HEATR4: variants seen among roughly 807,000 people sequenced by gnomAD.
HEATR4 encodes HEAT repeat containing 4.
Under a neutral mutation model 108.8 loss-of-function variants are expected in HEATR4, and 95 were observed. The observed-to-expected ratio is 0.87, with a 90% CI of 0.74 to 1.04. The LOEUF (loss-of-function observed/expected upper bound fraction) is 1.04. Ranked by LOEUF, HEATR4 falls within the 50% of genes least tolerant of loss-of-function variation. HEATR4 has a pLI of 0.00. For missense variants in HEATR4, 1,152 were observed against 1,253.8 expected (o/e 0.92, Z 1.23); for synonymous variants, 443 against 459.4 (o/e 0.96, Z 0.46).
the HEATR4 span, among the ~76,000 whole-genome samples, chr14:73,576,700 G>A: frequency 6.9e-6 from 1 of 145,654 alleles, no homozygotes; most frequent in African/African-American, 2.5e-5. Context: ...GGAGGCTGAG[G>A]TGGGAGAACC....
the HEATR4 span, among the ~76,000 whole-genome samples, chr14:73,586,520 C>A: frequency 2.0e-5 from 3 of 151,876 alleles, no homozygotes; most frequent in African/African-American, 4.8e-5. Context: ...GCCTGGCTAA[C>A]ATGGTAAAAC....
In HEATR4 at chr14:73,552,204, C is replaced by A. The variant is rs1889334815; in HGVS notation, c.-152+6547G>T. Among the ~76,000 whole-genome samples the A allele has an allele frequency of 1.8e-5, 2 of 108,740 alleles. 1 individual carries two copies. Among genetic ancestry groups the A allele is most frequent in the South Asian group, 5.7e-4 (2 of 3,514 alleles). 71.3% of individuals were successfully genotyped at this position (108,740 alleles called of 152,430 possible). A position where few individuals can be genotyped will look rare whatever the true frequency, so the allele number is the denominator to read the frequency against. The stretch of plus-strand genomic sequence containing the variant: ...ATTCTTTCTTCTGAGGAGGCAAGAA[C>A]TGAAGTTGCTGTAGACCTGTACAGA... On this transcript the variant is annotated intron_variant, in intron 1 of 17. Coordinates refer to ENST00000553558, the MANE Select transcript of HEATR4 (RefSeq NM_001220484.1).
rs779339117 is a variant in HEATR4 at position 73,491,332 on chromosome 14, G to T, written c.2844+1734C>A. 72 of 1,468,070 alleles carry T rather than the reference G, an allele frequency of 4.9e-5. 1 individual carries two copies. The South Asian group carries it at 8.6e-4, about 18-fold the overall frequency. 90.9% of individuals were successfully genotyped at this position (1,468,070 alleles called of 1,614,324 possible). Reference sequence around the variant, plus strand: ...ACGGCCACCTGGGGCCCGCAGAGCTGCTGGAGGCCTCGCCCGCCGCGCGCT... The same window carrying T: ...ACGGCCACCTGGGGCCCGCAGAGCTTCTGGAGGCCTCGCCCGCCGCGCGCT... On this transcript the variant is annotated intron_variant, in intron 17 of 17. Transcript: ENST00000553558.
the HEATR4 span, among the ~76,000 whole-genome samples, chr14:73,602,703 G>A: frequency 1.3e-5 from 2 of 152,154 alleles, no homozygotes; most frequent in Non-Finnish European, 2.9e-5. Context: ...GTATTAGAAC[G>A]TAGAAATTCC....
At chr14:73,539,748 C>T (rs1430447058) in intron 1 of HEATR4, 1 of 118,360 alleles carries the variant, frequency 8.4e-6, no homozygotes, top group Non-Finnish European at 1.8e-5. Flanking sequence ...AGCACGCGGT[C>T]CCTGTCCATC....
intron 1 of HEATR4, among the ~76,000 whole-genome samples, chr14:73,530,794 ATTTT>A (rs59208614): frequency 3.5e-3 from 203 of 57,194 alleles, no homozygotes; most frequent in East Asian, 0.022. Flanking sequence ...TCTCGGTTAA[ATTTT>A]TTTTTTTTTT....
chr14:73,506,802 C>CTTTTTTTTTTTTTTTTTTTTTTT (rs1470976246), intron 9 of HEATR4, among the ~76,000 whole-genome samples: 4 of 58,032 alleles, frequency 6.9e-5, no homozygotes, highest in East Asian at 9.2e-4. Flanking sequence ...CTGACTTTAA[C>CTTTTTTTTTTTTTTTTTTTTTTT]TGTTTTTTTT....
upstream of HEATR4, among the ~76,000 whole-genome samples, chr14:73,563,282 A>G (rs377568605): frequency 1.3e-5 from 2 of 152,070 alleles, no homozygotes; most frequent in African/African-American, 4.8e-5. Context: ...ATGGGTAAAG[A>G]CTTTCATTGT....
intron 4 of HEATR4, 61 bp from the exon 5 acceptor site, chr14:73,519,224 G>C: frequency 2.0e-6 from 3 of 1,520,794 alleles, no homozygotes; most frequent in Non-Finnish European, 2.7e-6. Context: ...TTCTCCCTGG[G>C]TTCCTAATCA....
intron 12 of HEATR4, among the ~76,000 whole-genome samples, chr14:73,499,475 A>G (rs1886298371): frequency 6.6e-6 from 1 of 151,990 alleles, no homozygotes. Flanking sequence ...GCGAGTCTCC[A>G]TCTCAAAAAA....
At chr14:73,607,746 C>T in the HEATR4 span, among the ~76,000 whole-genome samples, 6 of 152,014 alleles carry the variant, frequency 3.9e-5, no homozygotes, top group Non-Finnish European at 5.9e-5. Flanking sequence ...GCCTCAGCCT[C>T]CCAAGTAGCT....
At chr14:73,579,346 G>A in the HEATR4 span, among the ~76,000 whole-genome samples, 290 of 149,814 alleles carry the variant, frequency 1.9e-3, 1 homozygote, top group African/African-American at 7.0e-3. Flanking sequence ...AGAGGCCAAG[G>A]CGAGGGGATC....
chr14:73,552,877 C>G lies in HEATR4; in HGVS notation c.-152+5874G>C, dbSNP rs147029866. On this transcript the variant is annotated intron_variant, in intron 1 of 17. Transcript: ENST00000553558. ...TCTGAGGCCCCTGACCCCTACACCT[C>G]TTGGGTGCCACCCAGGCCTGTCTGT... 7.1e-3 allele frequency among the ~76,000 whole-genome samples: 691 copies of G among 97,574 alleles called. 65 individuals are homozygous for G. Among genetic ancestry groups the G allele is most frequent in the African/African-American group, 0.031 (657 of 21,178 alleles). The allele number at this position is 97,574 out of a possible 152,430, so 64.0% of individuals were successfully genotyped here. A position where few individuals can be genotyped will look rare whatever the true frequency, so the allele number is the denominator to read the frequency against.
the HEATR4 span, among the ~76,000 whole-genome samples, chr14:73,633,204 CA>C: frequency 6.6e-6 from 1 of 152,046 alleles, no homozygotes; most frequent in South Asian, 2.1e-4. Context: ...TTGGTTTCAC[CA>C]TTCTGGCCAG....
chr14:73,570,456 C>T, the HEATR4 span, among the ~76,000 whole-genome samples: 3 of 151,874 alleles, frequency 2.0e-5, no homozygotes, highest in Admixed American at 6.6e-5. Flanking sequence ...GTAGTCCCAG[C>T]TACTCGGGAG....
At chr14:73,512,974 T>C (rs1887356779) in intron 6 of HEATR4, among the ~76,000 whole-genome samples, 1 of 152,202 alleles carries the variant, frequency 6.6e-6, no homozygotes, top group African/African-American at 2.4e-5. Flanking sequence ...CATTACTTTG[T>C]CCCAGGCACT....
chr14:73,577,082 A>G, the HEATR4 span, among the ~76,000 whole-genome samples: 1 of 150,924 alleles, frequency 6.6e-6, no homozygotes, highest in South Asian at 2.1e-4. Flanking sequence ...ACAGGCACAC[A>G]CCACCATGCC....
Position 73,495,313 on chromosome 14 carries a change from C to T in HEATR4, c.2700G>A (p.Arg900=). 3 of 1,613,930 alleles carry T rather than the reference C, an allele frequency of 1.9e-6. No homozygotes were observed. ...TCAAGTAAACACGTTTTGCTTCCTC[C>T]CTCACTTTTCCCATGACCATCTCCA... ...LKLEMVMGKV[R]EEAKRVYLKP... The change falls in exon 16 of 18, where the codon AGG becomes AGA. Residue 900 remains arginine, a synonymous_variant. Coordinates refer to ENST00000553558, the MANE Select transcript of HEATR4 (RefSeq NM_001220484.1).
intron 1 of HEATR4, among the ~76,000 whole-genome samples, chr14:73,548,123 T>G (rs1566852850): frequency 8.7e-6 from 1 of 114,960 alleles, no homozygotes; most frequent in Non-Finnish European, 1.9e-5. Context: ...AAACAGGGTC[T>G]TATTATGTTG....
Sources: gnomAD v4.1 joint callset for allele counts (sites outside exome capture counted in the v4.1 genomes callset) on GRCh38, gnomAD v4.1.1 for gene constraint, MANE v1.5 for transcripts, NCBI Gene and HGNC (gene_info 2026-07-23, HGNC 2026-07-21) for gene names.